The following PITPNM3 variants were observed in gnomAD, a reference collection of about 807,000 sequenced individuals.
The protein encoded by PITPNM3 is membrane-associated phosphatidylinositol transfer protein 3.
A neutral mutation model predicts 102.0 loss-of-function variants in PITPNM3; 26 were observed. The observed-to-expected ratio is 0.25, with a 90% CI of 0.19 to 0.35. The LOEUF (loss-of-function observed/expected upper bound fraction) is 0.35. Among genes scored for constraint, PITPNM3 ranks in the 10% least tolerant of loss-of-function variants. The pLI is 1.00. For missense variants in PITPNM3, 1,083 were observed against 1,346.1 expected (o/e 0.80, Z 3.06); for synonymous variants, 578 against 558.6 (o/e 1.03, Z -0.49).
chr17:6,461,830 C>T (rs1042003921), intron 17 of PITPNM3, among the ~76,000 whole-genome samples: 9 of 151,396 alleles, frequency 5.9e-5, no homozygotes, highest in Non-Finnish European at 1.3e-4. Flanking sequence ...GAGACAGGCG[C>T]CTTTCATTCT....
chr17:6,536,198 C>G (rs1909419777), intron 2 of PITPNM3, among the ~76,000 whole-genome samples: 1 of 151,878 alleles, frequency 6.6e-6, no homozygotes. Context: ...AGGGAGAGGA[C>G]AGAGACAATG....
chr17:6,504,892 C>T (rs528226616), intron 3 of PITPNM3, among the ~76,000 whole-genome samples: 1 of 152,120 alleles, frequency 6.6e-6, no homozygotes, highest in African/African-American at 2.4e-5. Flanking sequence ...TATGTAAAGC[C>T]GGCTAGGCAC....
chr17:6,476,166 T>A lies in PITPNM3; in HGVS notation c.1085+863A>T, dbSNP rs1052779751. Among the ~76,000 whole-genome samples the A allele has an allele frequency of 1.7e-4, 26 of 151,972 alleles. 1 individual carries two copies. Among genetic ancestry groups the A allele is most frequent in the Non-Finnish European group, 5.9e-5 (4 of 67,976 alleles). On this transcript the variant is annotated intron_variant, in intron 9 of 19. Transcript: ENST00000262483. Reference sequence around the variant, plus strand: ...AAGATCACAATATAAAGGGTTTTTTTAAAATAAAACGATCTTAAAAGCATG... The same window carrying A: ...AAGATCACAATATAAAGGGTTTTTTAAAAATAAAACGATCTTAAAAGCATG...
At chr17:6,548,716 A>C (rs923905345) in intron 1 of PITPNM3, among the ~76,000 whole-genome samples, 16 of 151,758 alleles carry the variant, frequency 1.1e-4, no homozygotes, top group African/African-American at 3.4e-4. Context: ...CACATCCTGC[A>C]CACCTAGGTC....
rs777876563 is a variant in PITPNM3, at chr17:6,556,370, C to A, written c.22+15G>T. 7.2e-7 allele frequency: 1 copy of A among 1,398,504 alleles called. No homozygotes were observed. The allele number at this position is 1,398,504 out of a possible 1,614,324, so 86.6% of individuals were successfully genotyped here. Reference sequence around the variant, plus strand: ...CCCCGGGCCCCGGCCCTGCCCTCCCCGCGCCCGCCCTCACCTGCACGGCCC... The same window carrying A: ...CCCCGGGCCCCGGCCCTGCCCTCCCAGCGCCCGCCCTCACCTGCACGGCCC... On this transcript the variant is annotated intron_variant, in intron 1 of 19. Coordinates refer to ENST00000262483, the MANE Select transcript of PITPNM3 (RefSeq NM_031220.4). The surrounding 1 kb of genome is among the most constrained non-coding windows in gnomAD (Gnocchi z 5.2).
Position 6,451,315 on chromosome 17 carries a change from A to G in PITPNM3, c.*4023T>C, listed in dbSNP as rs993553320. 2.0e-5 allele frequency: 3 copies of G among 152,252 alleles called. No individual in the cohort carries two copies. Among genetic ancestry groups the G allele is most frequent in the Admixed American group, 2.0e-4 (3 of 15,284 alleles). The allele number at this position is 152,252 out of a possible 1,614,324, so 9.4% of individuals were successfully genotyped here. ...TGACAACATTTGAGAGCTAAAAACC[A>G]GCTCACATCAAAATCAAGACCCAGT... is the stretch of plus-strand genomic sequence containing the variant. On this transcript the variant is annotated 3_prime_UTR_variant, in exon 20 of 20. Coordinates refer to ENST00000262483, the MANE Select transcript of PITPNM3 (RefSeq NM_031220.4).
chr17:6,554,208 T>C (rs1266892875), intron 1 of PITPNM3, among the ~76,000 whole-genome samples: 2 of 150,014 alleles, frequency 1.3e-5, no homozygotes, highest in East Asian at 3.9e-4. Context: ...TAGTCCCAGT[T>C]ACTTGGGAGG....
chr17:6,513,763 G>T (rs1907999936), intron 3 of PITPNM3, among the ~76,000 whole-genome samples: 1 of 152,120 alleles, frequency 6.6e-6, no homozygotes, highest in Admixed American at 6.5e-5. Context: ...AATCCCCACT[G>T]GCATTTTTGC....
intron 3 of PITPNM3, among the ~76,000 whole-genome samples, chr17:6,505,193 A>ATATATATATATATATATATAT (rs1198801942): frequency 6.9e-4 from 50 of 72,292 alleles, no homozygotes; most frequent in African/African-American, 2.1e-3. Flanking sequence ...GAAGACAAAT[A>ATATATATATATATATATATAT]AAATATATAT....
At chr17:6,476,024 A>G (rs1210950700) in intron 9 of PITPNM3, among the ~76,000 whole-genome samples, 1 of 152,254 alleles carries the variant, frequency 6.6e-6, no homozygotes, top group Non-Finnish European at 1.5e-5. Flanking sequence ...TATACTGCTA[A>G]GGAATTGGAA....
chr17:6,477,360 A>G, intron 8 of PITPNM3, 147 bp from the exon 9 acceptor site: 1 of 855,198 alleles, frequency 1.2e-6, no homozygotes. Flanking sequence ...AGGAAGCCAC[A>G]TTGCAATCAT....
chr17:6,479,802 G>A (rs1206800814), intron 6 of PITPNM3: 2 of 152,286 alleles, frequency 1.3e-5, no homozygotes, highest in Non-Finnish European at 2.9e-5. Flanking sequence ...TGCAGCCGGA[G>A]AGATTTTAAT....
At chr17:6,545,085 A>G (rs1909952454) in intron 1 of PITPNM3, among the ~76,000 whole-genome samples, 1 of 152,250 alleles carries the variant, frequency 6.6e-6, no homozygotes, top group South Asian at 2.1e-4. Flanking sequence ...GACTGCTTCC[A>G]GCCCCAGTTC....
chr17:6,525,756 C>G (rs964125196), intron 2 of PITPNM3, among the ~76,000 whole-genome samples: 13 of 152,356 alleles, frequency 8.5e-5, no homozygotes, highest in African/African-American at 2.4e-4. Flanking sequence ...GGCAGTATCT[C>G]TTGAAAGTCA....
chr17:6,475,077 C>T, intron 9 of PITPNM3, among the ~76,000 whole-genome samples: 1 of 152,178 alleles, frequency 6.6e-6, no homozygotes. Flanking sequence ...CACTGTGTAC[C>T]AGACAAGCCC....
chr17:6,457,666 G>T lies in PITPNM3; in HGVS notation c.2547C>A (p.Ser849Arg), dbSNP rs1187547589. The change falls in exon 19 of 20, where the codon AGC (serine) becomes AGA (arginine). Residue 849 changes from serine to arginine, a missense_variant. Ser to Arg is a moderately radical substitution (Grantham distance 110, BLOSUM62 -1). Around this residue, in one of 5 missense-constraint regions of PITPNM3, gnomAD observed 208 missense variants for 178.2 expected, o/e 1.17. Transcript: ENST00000262483. The surrounding 1 kb of genome is among the most constrained non-coding windows in gnomAD (Gnocchi z 4.7). Reference sequence around the variant, plus strand: ...TCTGGGAGGCAGGCAGGCCCAGCACGCTGTAGACAGAGATGTCCTTCGTGG... The same window carrying T: ...TCTGGGAGGCAGGCAGGCCCAGCACTCTGTAGACAGAGATGTCCTTCGTGG... ...YGSTKDISVY[S>R]VLGLPASQIF... The T allele has an allele frequency of 3.7e-6, 6 of 1,605,624 alleles. No individual in the cohort carries two copies. In the South Asian group the frequency reaches 4.5e-5, roughly 12 times the overall value.
rs1240233748 is a variant in PITPNM3 at position 6,452,217 on chromosome 17, A to G, written c.*3121T>C. 6.6e-6 allele frequency: 1 copy of G among 152,114 alleles called. No homozygotes were observed. Among genetic ancestry groups the G allele is most frequent in the Non-Finnish European group, 1.5e-5 (1 of 68,022 alleles). 9.4% of individuals were successfully genotyped at this position (152,114 alleles called of 1,614,324 possible). On this transcript the variant is annotated 3_prime_UTR_variant, in exon 20 of 20. Coordinates refer to ENST00000262483, the MANE Select transcript of PITPNM3 (RefSeq NM_031220.4). The stretch of plus-strand genomic sequence containing the variant: ...GAGTCTGCTTTTTTAAAAAAGAAAT[A>G]TTTTATGGAGCCCAAGGGAGCCGTT...
intron 17 of PITPNM3, among the ~76,000 whole-genome samples, chr17:6,462,864 G>A (rs1299832894): frequency 6.6e-6 from 1 of 152,120 alleles, no homozygotes; most frequent in Admixed American, 6.5e-5. Context: ...GATGACTGTC[G>A]AGGTTTGGGG....
intron 1 of PITPNM3, among the ~76,000 whole-genome samples, chr17:6,544,631 C>CTG: frequency 1.1e-5 from 1 of 88,642 alleles, no homozygotes; most frequent in South Asian, 4.5e-4. Flanking sequence ...TGGTGTCTCT[C>CTG]TCTCTCTCTC....
Sources: gnomAD v4.1 joint callset for allele counts (sites outside exome capture counted in the v4.1 genomes callset) on GRCh38, gnomAD v4.1.1 for gene constraint, gnomAD v4.1.1 regional missense constraint, Gnocchi (gnomAD v3.1) non-coding constraint, MANE v1.5 for transcripts, NCBI Gene and HGNC (gene_info 2026-07-23, HGNC 2026-07-21) for gene names.